The following PPP3CB variants were observed in gnomAD, a reference collection of about 807,000 sequenced individuals.
PPP3CB encodes serine/threonine-protein phosphatase 2B catalytic subunit beta isoform.
Under a neutral mutation model 66.4 loss-of-function variants are expected in PPP3CB, and 8 were observed. The observed-to-expected ratio is 0.12, with a 90% CI of 0.07 to 0.22. The LOEUF is 0.22. Ranked by LOEUF, PPP3CB falls within the 10% of genes least tolerant of loss-of-function variation. The probability of loss-of-function intolerance (pLI) is 1.00; values close to 1 mark genes in which losing one functional copy is unlikely to be tolerated. For synonymous variants in PPP3CB, 208 were observed against 221.2 expected (o/e 0.94, Z 0.53); for missense variants, 319 against 642.5 (o/e 0.50, Z 5.44).
intron 10 of PPP3CB, among the ~76,000 whole-genome samples, chr10:73,453,876 G>C (rs984397912): frequency 2.6e-5 from 4 of 151,902 alleles, no homozygotes; most frequent in Non-Finnish European, 4.4e-5. Context: ...TAGGCTTGTT[G>C]GCTTACGTAA....
At chr10:73,470,640 T>C (rs1356409131) in intron 8 of PPP3CB, 47 bp downstream of exon 8, 1 of 1,233,846 alleles carries the variant, frequency 8.1e-7, no homozygotes, top group South Asian at 1.6e-5. Context: ...AAAAGTCAAT[T>C]AAAATACTAA....
At chr10:73,448,118 T>A (rs1056634410) in intron 10 of PPP3CB, among the ~76,000 whole-genome samples, 3 of 152,280 alleles carry the variant, frequency 2.0e-5, no homozygotes, top group East Asian at 1.9e-4. Context: ...AATTTTAAAG[T>A]AGCTAGACTG....
At chr10:73,457,029 GTATA>G (rs1187778749) in intron 9 of PPP3CB, among the ~76,000 whole-genome samples, 2 of 151,740 alleles carry the variant, frequency 1.3e-5, no homozygotes, top group Non-Finnish European at 2.9e-5. Flanking sequence ...GAATTGCATA[GTATA>G]TATATTTCAA....
At chr10:73,459,255 G>A (rs1356854075) in intron 9 of PPP3CB, among the ~76,000 whole-genome samples, 5 of 152,220 alleles carry the variant, frequency 3.3e-5, no homozygotes, top group African/African-American at 7.2e-5. Context: ...TTGGGAGGCC[G>A]AGGCGGGTGG....
intron 9 of PPP3CB, among the ~76,000 whole-genome samples, chr10:73,455,095 G>C (rs1221539927): frequency 1.3e-5 from 2 of 151,774 alleles, no homozygotes. Context: ...ATGTTGGTCA[G>C]GCTGGTCTCG....
chr10:73,471,192 C>T lies in PPP3CB; in HGVS notation c.687G>A (p.Glu229=), dbSNP rs202139360. Residue 229 remains glutamate (E), a synonymous_variant, in exon 6 of 14, where the codon GAG becomes GAA. Coordinates refer to ENST00000360663, the MANE Select transcript of PPP3CB (RefSeq NM_021132.4). ...CACACATTGGTCCAAATGCAGGTGG[C>T]TCTTTGAATCTATCTAACTGTGAAA... The part of the protein sequence containing the change: ...DDIRRLDRFK[E]PPAFGPMCDL... 2 of 1,602,334 alleles carry T rather than the reference C, an allele frequency of 1.2e-6. No individual in the cohort carries two copies. Among genetic ancestry groups the T allele is most frequent in the Non-Finnish European group, 1.7e-6 (2 of 1,171,468 alleles).
At chr10:73,460,327 G>T (rs2056501680) in intron 9 of PPP3CB, among the ~76,000 whole-genome samples, 1 of 145,308 alleles carries the variant, frequency 6.9e-6, no homozygotes, top group Non-Finnish European at 1.5e-5. Context: ...TCAGATGAGA[G>T]AAATGTTATT....
chr10:73,447,765 G>A (rs1046498050), intron 10 of PPP3CB, among the ~76,000 whole-genome samples: 1 of 151,966 alleles, frequency 6.6e-6, no homozygotes, highest in African/African-American at 2.4e-5. Flanking sequence ...AAAAAAATAG[G>A]CTCCATGACA....
chr10:73,478,360 T>C (rs1323351394), intron 3 of PPP3CB, 139 bp downstream of exon 3: 12 of 678,154 alleles, frequency 1.8e-5, no homozygotes, highest in Non-Finnish European at 2.7e-5. Flanking sequence ...CAGGAATAAA[T>C]AGTAGCTTTT....
At chr10:73,448,802 AAGAG>A (rs1003797277) in intron 10 of PPP3CB, 3 of 507,008 alleles carry the variant, frequency 5.9e-6, no homozygotes, top group African/African-American at 2.0e-5. Context: ...TGAATGTAGA[AAGAG>A]AGAAAAATGA....
At chr10:73,482,367 A>T (rs1051636204) in intron 1 of PPP3CB, among the ~76,000 whole-genome samples, 1 of 151,674 alleles carries the variant, frequency 6.6e-6, no homozygotes, top group Admixed American at 6.6e-5. Context: ...ACACGGTGAA[A>T]CCCCGTCTCT....
rs757317022 is a variant in PPP3CB at position 73,438,338 on chromosome 10, T to C, written c.1479A>G (p.Pro493=). ...CTTGCTGTACAGCATCTTTCCGAGGTGGCATTCTCTCATTGATCCTATCCA... is the reference window on the plus strand; with the variant it reads ...CTTGCTGTACAGCATCTTTCCGAGGCGGCATTCTCTCATTGATCCTATCCA... ...KGLDRINERM[P]PRKDAVQQDG... Residue 493 remains proline, a synonymous_variant, in exon 14 of 14, where the codon CCA becomes CCG. Coordinates refer to ENST00000360663, the MANE Select transcript of PPP3CB (RefSeq NM_021132.4). 6.2e-7 allele frequency: 1 copy of C among 1,613,844 alleles called. No individual in the cohort carries two copies. Among genetic ancestry groups the C allele is most frequent in the Non-Finnish European group, 8.5e-7 (1 of 1,179,748 alleles).
At chr10:73,448,046 A>T (rs2056286856) in intron 10 of PPP3CB, among the ~76,000 whole-genome samples, 1 of 152,230 alleles carries the variant, frequency 6.6e-6, no homozygotes, top group South Asian at 2.1e-4. Flanking sequence ...GTTCAAGGAT[A>T]GAAGGTAAGT....
intron 13 of PPP3CB, among the ~76,000 whole-genome samples, chr10:73,438,763 C>T (rs1418420346): frequency 6.6e-6 from 1 of 152,212 alleles, no homozygotes; most frequent in African/African-American, 2.4e-5. Context: ...TTATCTCCTA[C>T]ATCAGTCCCT....
At chr10:73,445,310 G>A (rs1399998371) in intron 11 of PPP3CB, among the ~76,000 whole-genome samples, 1 of 152,110 alleles carries the variant, frequency 6.6e-6, no homozygotes, top group Non-Finnish European at 1.5e-5. Context: ...TTCTTATCCT[G>A]CTCTAATTTT....
intron 12 of PPP3CB, 142 bp from the exon 13 acceptor site, chr10:73,440,043 C>G (rs1589679535): frequency 2.3e-6 from 2 of 863,032 alleles, no homozygotes; most frequent in Non-Finnish European, 3.6e-6. Flanking sequence ...ATAAATAGTA[C>G]CCAAATTAGA....
intron 9 of PPP3CB, among the ~76,000 whole-genome samples, chr10:73,456,940 C>T (rs1295709160): frequency 6.6e-6 from 1 of 152,024 alleles, no homozygotes; most frequent in Admixed American, 6.5e-5. Flanking sequence ...TCTATAGAGA[C>T]AGAAAGATTA....
chr10:73,441,746 A>C (rs1349363991), intron 12 of PPP3CB, among the ~76,000 whole-genome samples: 1 of 152,212 alleles, frequency 6.6e-6, no homozygotes, highest in Admixed American at 6.5e-5. Flanking sequence ...TGGTGAGGGT[A>C]GCATTACAGT....
intron 4 of PPP3CB, among the ~76,000 whole-genome samples, chr10:73,473,413 G>T (rs1261616037): frequency 6.6e-6 from 1 of 152,090 alleles, no homozygotes; most frequent in Non-Finnish European, 1.5e-5. Context: ...CAGCACTTTG[G>T]GAGGACGAGG....
Sources: gnomAD v4.1 joint callset for allele counts (sites outside exome capture counted in the v4.1 genomes callset) on GRCh38, gnomAD v4.1.1 for gene constraint, MANE v1.5 for transcripts, NCBI Gene and HGNC (gene_info 2026-07-23, HGNC 2026-07-21) for gene names.